OPCML: variants seen among roughly 807,000 people sequenced by gnomAD.
OPCML encodes the protein opioid-binding protein/cell adhesion molecule.
OPCML carries 13 observed loss-of-function variants against 37.8 expected under a neutral mutation model. The ratio of observed to expected loss-of-function variants is 0.34; its 90% CI spans 0.22 to 0.55. The LOEUF is 0.55. Among genes scored for constraint, OPCML ranks in the 20% least tolerant of loss-of-function variants. The probability of loss-of-function intolerance (pLI) is 0.91; values close to 1 mark genes in which losing one functional copy is unlikely to be tolerated. For missense variants in OPCML, 341 were observed against 435.6 expected, an observed-to-expected ratio of 0.78 and a Z score of 1.93; for synonymous variants, 176 against 168.8, an observed-to-expected ratio of 1.04 and a Z score of -0.33.
chr11:133,166,253 A>G (rs1482791010), intron 1 of OPCML, among the ~76,000 whole-genome samples: 1 of 152,212 alleles, frequency 6.6e-6, no homozygotes, highest in Non-Finnish European at 1.5e-5. Flanking sequence ...AGTAACTAGC[A>G]TTTCTATAGT....
intron 1 of OPCML, among the ~76,000 whole-genome samples, chr11:133,432,536 C>T (rs935775488): frequency 3.3e-5 from 5 of 152,028 alleles, no homozygotes; most frequent in African/African-American, 9.7e-5. Flanking sequence ...CCACCATGCC[C>T]AGTTTTTTGT....
chr11:133,274,489 A>G (rs751152861), intron 1 of OPCML, among the ~76,000 whole-genome samples: 2 of 152,218 alleles, frequency 1.3e-5, no homozygotes, highest in Non-Finnish European at 2.9e-5. Context: ...ACATGGGAAG[A>G]GTCAAAGAGG....
At chr11:133,009,886 G>A (rs530929793) in intron 1 of OPCML, among the ~76,000 whole-genome samples, 1 of 152,262 alleles carries the variant, frequency 6.6e-6, no homozygotes, top group East Asian at 1.9e-4. Flanking sequence ...CAGAGGTTGG[G>A]GACCCCTGGG....
chr11:132,505,381 T>C (rs2137146641), intron 4 of OPCML, among the ~76,000 whole-genome samples: 1 of 152,216 alleles, frequency 6.6e-6, no homozygotes, highest in East Asian at 1.9e-4. Flanking sequence ...GTTAAAGTGG[T>C]AAGTTTTATG....
At chr11:132,850,233 C>G (rs1402320687) in intron 2 of OPCML, among the ~76,000 whole-genome samples, 1 of 152,180 alleles carries the variant, frequency 6.6e-6, no homozygotes, top group Admixed American at 6.5e-5. Flanking sequence ...GGAAAGCGAG[C>G]CCTACTTGCC....
At chr11:133,320,018 G>A (rs79651468) in intron 1 of OPCML, among the ~76,000 whole-genome samples, 1,744 of 152,234 alleles carry the variant, frequency 0.011, 30 homozygotes, top group African/African-American at 0.037. Flanking sequence ...ACTCTGCTTC[G>A]TCCTTGATGT....
At chr11:132,625,917 G>A (rs1939713036) in intron 3 of OPCML, among the ~76,000 whole-genome samples, 1 of 152,056 alleles carries the variant, frequency 6.6e-6, no homozygotes, top group South Asian at 2.1e-4. Flanking sequence ...ACTATAGGCT[G>A]TCTTCTCCAT....
At chr11:133,326,447 GTGTA>G (rs1448745779) in intron 1 of OPCML, among the ~76,000 whole-genome samples, 3 of 142,054 alleles carry the variant, frequency 2.1e-5, no homozygotes, top group Admixed American at 7.4e-5. Flanking sequence ...GTGTATGTGT[GTGTA>G]TGTGTGTGTG....
At chr11:132,718,942 G>A (rs1282250422) in intron 2 of OPCML, among the ~76,000 whole-genome samples, 4 of 152,242 alleles carry the variant, frequency 2.6e-5, no homozygotes, top group African/African-American at 7.2e-5. Flanking sequence ...TGGAAAGGAA[G>A]TGAGAGACAG....
At chr11:133,306,336 C>G (rs980179369) in intron 1 of OPCML, among the ~76,000 whole-genome samples, 6 of 152,122 alleles carry the variant, frequency 3.9e-5, no homozygotes, top group African/African-American at 7.2e-5. Flanking sequence ...TTAAATGAGA[C>G]AGAAGCAATG....
Position 132,547,740 on chromosome 11 carries a change from T to A in OPCML, c.380-18554A>T, listed in dbSNP as rs1440368257. Among the ~76,000 whole-genome samples, 4 of 151,786 alleles carry A rather than the reference T, an allele frequency of 2.6e-5. No homozygotes were observed. The East Asian group carries it at 7.7e-4, about 29-fold the overall frequency. On this transcript the variant is annotated intron_variant, in intron 3 of 7. Transcript: ENST00000524381. ...TAAGTTAACACCTCCATCAAGGGGGTGGAGGGGAAAAAAAAGTCTCCATCA... is the reference window on the plus strand; with the variant it reads ...TAAGTTAACACCTCCATCAAGGGGGAGGAGGGGAAAAAAAAGTCTCCATCA...
rs1039796357 is a variant in OPCML at position 132,837,865 on chromosome 11, C to T, written c.146+105061G>A. On this transcript the variant is annotated intron_variant, in intron 2 of 7. Coordinates refer to ENST00000524381, the MANE Select transcript of OPCML (RefSeq NM_001012393.5). The stretch of plus-strand genomic sequence containing the variant: ...TCAGTACCAAGACAGGCCCTCCCTC[C>T]TCCCTCACTGCTCAGGGTCTCTGTA... 5.3e-5 allele frequency among the ~76,000 whole-genome samples: 8 copies of T among 152,210 alleles called. 1 individual carries two copies. Among genetic ancestry groups the T allele is most frequent in the African/African-American group, 1.9e-4 (8 of 41,446 alleles).
Position 133,251,570 on chromosome 11 carries a change from C to A in OPCML, c.61+280694G>T, listed in dbSNP as rs574642251. Among the ~76,000 whole-genome samples, 38 of 138,480 alleles carry A rather than the reference C, an allele frequency of 2.7e-4. No homozygotes were observed. The South Asian group carries it at 8.4e-3, about 30-fold the overall frequency. The allele number at this position is 138,480 out of a possible 152,430, so 90.8% of individuals were successfully genotyped here. Reference sequence around the variant, plus strand: ...ATCTAGTTTTTTGTTTGTTTGTGTTCTTTTTTTGGGGGGGGGAGGGGACAC... The same window carrying A: ...ATCTAGTTTTTTGTTTGTTTGTGTTATTTTTTTGGGGGGGGGAGGGGACAC... On this transcript the variant is annotated intron_variant, in intron 1 of 7. Coordinates refer to ENST00000524381, the MANE Select transcript of OPCML (RefSeq NM_001012393.5).
intron 3 of OPCML, among the ~76,000 whole-genome samples, chr11:132,616,536 G>A (rs1229192457): frequency 6.6e-6 from 1 of 152,160 alleles, no homozygotes; most frequent in Non-Finnish European, 1.5e-5. Context: ...AAATAAGGGA[G>A]TAGAAGAAGA....
chr11:133,452,604 G>A (rs1474099961), intron 1 of OPCML, among the ~76,000 whole-genome samples: 1 of 151,246 alleles, frequency 6.6e-6, no homozygotes, highest in Non-Finnish European at 1.5e-5. Context: ...TTGAGCCCAG[G>A]AGTTCAAGAC....
chr11:132,678,935 G>T (rs188016435), intron 2 of OPCML, among the ~76,000 whole-genome samples: 1 of 152,110 alleles, frequency 6.6e-6, no homozygotes, highest in Non-Finnish European at 1.5e-5. Flanking sequence ...GGCCCACTCC[G>T]GTGGGGGTGG....
chr11:133,458,163 TACATATACATATATGTGTATATATAC>T (rs1946718189), intron 1 of OPCML, among the ~76,000 whole-genome samples: 1 of 147,218 alleles, frequency 6.8e-6, no homozygotes, highest in African/African-American at 2.6e-5. Context: ...AATATATATA[TACATATACATATATGTGTATATATAC>T]ACATATATAC....
At chr11:132,490,711 C>T (rs753408173) in intron 4 of OPCML, among the ~76,000 whole-genome samples, 1 of 151,306 alleles carries the variant, frequency 6.6e-6, no homozygotes, top group African/African-American at 2.4e-5. Flanking sequence ...CCCGGCTACT[C>T]GAGAGGCTGG....
At chr11:133,431,531 T>C (rs1204862040) in intron 1 of OPCML, among the ~76,000 whole-genome samples, 1 of 152,138 alleles carries the variant, frequency 6.6e-6, no homozygotes, top group Non-Finnish European at 1.5e-5. Flanking sequence ...AATAGCGTGA[T>C]CTCAGCTCAC....
Sources: gnomAD v4.1 joint callset for allele counts (sites outside exome capture counted in the v4.1 genomes callset) on GRCh38, gnomAD v4.1.1 for gene constraint, MANE v1.5 for transcripts, NCBI Gene and HGNC (gene_info 2026-07-23, HGNC 2026-07-21) for gene names.